Variants in MRTFA observed in about 807,000 individuals in gnomAD.
MRTFA encodes myocardin-related transcription factor A.
A neutral mutation model predicts 83.5 loss-of-function variants in MRTFA; 20 were observed. That is an observed-to-expected ratio of 0.24 (90% CI 0.17 to 0.35). MRTFA has a LOEUF of 0.35. MRTFA is among the 10% of genes least tolerant of loss of function. The pLI, the probability that MRTFA is intolerant of heterozygous loss-of-function variation, is 1.00. For synonymous variants in MRTFA, 659 were observed against 541.2 expected (o/e 1.22, Z -3.02); for missense variants, 1,200 against 1,224.7 (o/e 0.98, Z 0.30).
chr22:40,620,618 T>C (rs536602260), intron 1 of MRTFA, among the ~76,000 whole-genome samples: 1 of 152,052 alleles, frequency 6.6e-6, no homozygotes, highest in East Asian at 1.9e-4. Flanking sequence ...AAGAAAAGCA[T>C]GCTGTGGAGA....
intron 1 of MRTFA, among the ~76,000 whole-genome samples, chr22:40,633,061 TC>T (rs145005064): frequency 0.082 from 12,421 of 152,184 alleles, 755 homozygotes; most frequent in East Asian, 0.25. Flanking sequence ...AAAAAACTAC[TC>T]CCCAAGCCTA....
intron 4 of MRTFA, among the ~76,000 whole-genome samples, chr22:40,452,895 T>C (rs955184305): frequency 1.3e-5 from 2 of 151,726 alleles, no homozygotes; most frequent in Non-Finnish European, 1.5e-5. Context: ...GACCGAACCA[T>C]GAATACACTC....
intron 3 of MRTFA, among the ~76,000 whole-genome samples, chr22:40,497,652 C>G (rs2054378544): frequency 6.6e-6 from 1 of 152,050 alleles, no homozygotes; most frequent in Non-Finnish European, 1.5e-5. Context: ...ACTCAGGAGG[C>G]TGAGTCAGGA....
At chr22:40,499,497 A>G (rs2054418995) in intron 3 of MRTFA, among the ~76,000 whole-genome samples, 1 of 152,220 alleles carries the variant, frequency 6.6e-6, no homozygotes, top group Admixed American at 6.5e-5. Context: ...CTGTAACTTG[A>G]GTAATTATGC....
intron 1 of MRTFA, among the ~76,000 whole-genome samples, chr22:40,614,169 T>A (rs147541263): frequency 0.016 from 2,456 of 151,032 alleles, 66 homozygotes; most frequent in African/African-American, 0.057. Context: ...ACCATTGTAC[T>A]CCAGCCTGGG....
At chr22:40,573,921 A>AT (rs1445076628) in intron 2 of MRTFA, among the ~76,000 whole-genome samples, 1 of 151,256 alleles carries the variant, frequency 6.6e-6, no homozygotes, top group Admixed American at 6.6e-5. Context: ...GGATATTTTT[A>AT]TTTTTTTTAT....
At chr22:40,458,244 TG>T (rs1414323729) in intron 4 of MRTFA, among the ~76,000 whole-genome samples, 1 of 152,238 alleles carries the variant, frequency 6.6e-6, no homozygotes, top group African/African-American at 2.4e-5. Flanking sequence ...ACTCTGTATT[TG>T]GTAGAGTTAA....
intron 3 of MRTFA, chr22:40,533,745 C>A: frequency 1.9e-6 from 1 of 522,654 alleles, no homozygotes; most frequent in South Asian, 1.0e-4. Context: ...GCCTTATGCT[C>A]AAATCAGACT....
chr22:40,630,712 T>G (rs2056632855), intron 1 of MRTFA, among the ~76,000 whole-genome samples: 1 of 152,214 alleles, frequency 6.6e-6, no homozygotes, highest in East Asian at 1.9e-4. Context: ...TCTAATTTAT[T>G]TATTTACTTG....
chr22:40,442,656 G>A (rs2053299067), intron 4 of MRTFA, among the ~76,000 whole-genome samples: 1 of 151,658 alleles, frequency 6.6e-6, no homozygotes, highest in Non-Finnish European at 1.5e-5. Flanking sequence ...GGTCTAGTGG[G>A]GAAAAGAGAC....
chr22:40,602,955 A>C (rs1602484133), intron 1 of MRTFA, among the ~76,000 whole-genome samples: 2 of 152,220 alleles, frequency 1.3e-5, no homozygotes, highest in East Asian at 3.8e-4. Flanking sequence ...CCATTCACTC[A>C]GTGCCAATCT....
intron 3 of MRTFA, chr22:40,519,556 A>C (rs533391947): frequency 7.4e-7 from 1 of 1,349,718 alleles, no homozygotes; most frequent in Admixed American, 2.2e-5. Flanking sequence ...AAAGCACTCC[A>C]AAGTGGAGGT....
At chr22:40,450,635 T>TA (rs1555971049) in intron 4 of MRTFA, among the ~76,000 whole-genome samples, 6 of 150,508 alleles carry the variant, frequency 4.0e-5, no homozygotes, top group East Asian at 1.9e-4. Flanking sequence ...TTTTTTTTTT[T>TA]AAAGTAGAAA....
At chr22:40,591,632 C>A (rs924226456) in intron 2 of MRTFA, among the ~76,000 whole-genome samples, 10 of 152,108 alleles carry the variant, frequency 6.6e-5, no homozygotes, top group African/African-American at 2.4e-4. Flanking sequence ...CACATCTCCA[C>A]AAAATTACTA....
chr22:40,500,877 T>C (rs960428017), intron 3 of MRTFA, among the ~76,000 whole-genome samples: 1 of 151,250 alleles, frequency 6.6e-6, no homozygotes, highest in Non-Finnish European at 1.5e-5. Flanking sequence ...GCCGCCATTG[T>C]CATCCTGGCC....
At chr22:40,464,850 G>A (rs1273953056) in intron 3 of MRTFA, among the ~76,000 whole-genome samples, 1 of 152,040 alleles carries the variant, frequency 6.6e-6, no homozygotes, top group Middle Eastern at 3.4e-3. Context: ...ATCTTTCCCA[G>A]TATTTTTTAA....
At chr22:40,543,665 A>G (rs776613313) in intron 3 of MRTFA, among the ~76,000 whole-genome samples, 1 of 152,246 alleles carries the variant, frequency 6.6e-6, no homozygotes, top group Non-Finnish European at 1.5e-5. Context: ...AACAAATCTA[A>G]CTAAAGATGT....
intron 13 of MRTFA, 139 bp from the exon 14 acceptor site, chr22:40,417,185 G>A (rs1027548577): frequency 7.3e-7 from 1 of 1,362,818 alleles, no homozygotes; most frequent in Non-Finnish European, 1.0e-6. Flanking sequence ...CCGGACTCCT[G>A]GAGCCCGTCC....
At chr22:40,450,063 T>A (rs1179925050) in intron 4 of MRTFA, among the ~76,000 whole-genome samples, 1 of 152,174 alleles carries the variant, frequency 6.6e-6, no homozygotes, top group Non-Finnish European at 1.5e-5. Context: ...GTCACTGGTA[T>A]GTAAGGGTTG....
Sources: allele counts gnomAD v4.1 joint callset (sites outside exome capture counted in the v4.1 genomes callset), GRCh38; gene constraint gnomAD v4.1.1; transcripts MANE v1.5; gene names NCBI Gene and HGNC (gene_info 2026-07-23, HGNC 2026-07-21).